The following RIMS2 variants were observed in gnomAD, a reference collection of about 807,000 sequenced individuals.
The protein encoded by RIMS2 is regulating synaptic membrane exocytosis protein 2.
Under a neutral mutation model 174.4 loss-of-function variants are expected in RIMS2, and 59 were observed. The observed-to-expected ratio is 0.34, with a 90% confidence interval of 0.27 to 0.42. The LOEUF is 0.42. RIMS2 is among the 10% of genes least tolerant of loss of function. The pLI, the probability that RIMS2 is intolerant of heterozygous loss-of-function variation, is 1.00. For synonymous variants in RIMS2, 606 were observed against 572.5 expected (o/e 1.06, Z -0.84); for missense variants, 1,620 against 1,666.3 (o/e 0.97, Z 0.48).
intron 15 of RIMS2, among the ~76,000 whole-genome samples, chr8:103,961,866 C>A (rs1334869038): frequency 1.3e-5 from 2 of 152,104 alleles, no homozygotes; most frequent in Non-Finnish European, 2.9e-5. Flanking sequence ...TGTTAAGAGT[C>A]AGTTAGCATG....
At chr8:103,737,730 C>T (rs1051303536) in intron 2 of RIMS2, among the ~76,000 whole-genome samples, 1 of 152,098 alleles carries the variant, frequency 6.6e-6, no homozygotes, top group African/African-American at 2.4e-5. Context: ...AAGCCCTTTC[C>T]TACCTAAAGG....
At chr8:103,820,621 T>C (rs2098746178) in intron 3 of RIMS2, among the ~76,000 whole-genome samples, 1 of 151,922 alleles carries the variant, frequency 6.6e-6, no homozygotes, top group Non-Finnish European at 1.5e-5. Context: ...CTTTTAAAAT[T>C]TGTTGGCATT....
intron 19 of RIMS2, among the ~76,000 whole-genome samples, chr8:104,134,570 T>G (rs1464312022): frequency 6.6e-6 from 1 of 152,210 alleles, no homozygotes; most frequent in Non-Finnish European, 1.5e-5. Context: ...CAACTTTAAT[T>G]ATTCAGTCAG....
At chr8:103,706,142 A>T (rs914078714) in intron 2 of RIMS2, among the ~76,000 whole-genome samples, 2 of 152,142 alleles carry the variant, frequency 1.3e-5, no homozygotes, top group Non-Finnish European at 2.9e-5. Flanking sequence ...GTTATTTTAA[A>T]CTGATGACAA....
intron 17 of RIMS2, among the ~76,000 whole-genome samples, chr8:104,002,870 A>G (rs977188887): frequency 6.6e-6 from 1 of 152,114 alleles, no homozygotes; most frequent in Non-Finnish European, 1.5e-5. Flanking sequence ...ATATTACTTC[A>G]AGAGACAATA....
exon 4 of RIMS2, chr8:103,885,705 G>A (rs756815741): frequency 4.3e-6 from 7 of 1,613,084 alleles, no homozygotes; most frequent in Non-Finnish European, 5.9e-6. Context: ...AGAAGGCATA[G>A]TGATGTTTCT....
chr8:104,211,713 CA>C (rs2099106252), intron 19 of RIMS2, among the ~76,000 whole-genome samples: 1 of 152,080 alleles, frequency 6.6e-6, no homozygotes, highest in African/African-American at 2.4e-5. Context: ...GGGATTTCAT[CA>C]TGTTGGCCAG....
chr8:103,690,299 A>C (rs1298762829), intron 1 of RIMS2, among the ~76,000 whole-genome samples: 2 of 151,948 alleles, frequency 1.3e-5, no homozygotes, highest in African/African-American at 4.8e-5. Context: ...TAGTTGATTT[A>C]CATTCAATGT....
intron 1 of RIMS2, among the ~76,000 whole-genome samples, chr8:103,557,999 C>T (rs1337653315): frequency 6.6e-6 from 1 of 152,116 alleles, no homozygotes; most frequent in Non-Finnish European, 1.5e-5. Context: ...AAAGTTCCTT[C>T]AGTTGTAAAA....
chr8:104,145,949 C>G (rs557496894), intron 19 of RIMS2, among the ~76,000 whole-genome samples: 1 of 151,620 alleles, frequency 6.6e-6, no homozygotes, highest in African/African-American at 2.4e-5. Context: ...GAAAAGGAAC[C>G]CTCGCTGCAA....
chr8:104,063,727 A>G (rs188827896), intron 19 of RIMS2, among the ~76,000 whole-genome samples: 2 of 152,304 alleles, frequency 1.3e-5, no homozygotes, highest in East Asian at 1.9e-4. Context: ...TAAGACTACA[A>G]GATGGATGAC....
intron 19 of RIMS2, among the ~76,000 whole-genome samples, chr8:104,111,752 T>A (rs1242087302): frequency 6.6e-6 from 1 of 152,182 alleles, no homozygotes; most frequent in Admixed American, 6.5e-5. Context: ...CAACAATACG[T>A]TGGCTTGGAA....
chr8:103,875,785 T>G (rs1174026882), intron 3 of RIMS2, among the ~76,000 whole-genome samples: 1 of 152,072 alleles, frequency 6.6e-6, no homozygotes, highest in African/African-American at 2.4e-5. Context: ...GTTTTCTGAC[T>G]GTTTAATAAT....
At chr8:103,894,278 A>T (rs1565167746) in intron 4 of RIMS2, among the ~76,000 whole-genome samples, 1 of 151,422 alleles carries the variant, frequency 6.6e-6, no homozygotes, top group Non-Finnish European at 1.5e-5. Context: ...AAATAGCAAG[A>T]TCTCTGTCCC....
At chr8:103,819,352 C>CA in intron 3 of RIMS2, 1 of 1,508,630 alleles carries the variant, frequency 6.6e-7, no homozygotes. Flanking sequence ...GTACAATTAA[C>CA]TATCAACCTC....
chr8:104,209,409 TAAAG>T (rs373045242), intron 19 of RIMS2, among the ~76,000 whole-genome samples: 129 of 152,260 alleles, frequency 8.5e-4, no homozygotes, highest in African/African-American at 3.0e-3. Context: ...GGTAATAAAA[TAAAG>T]GAAGAGAAGG....
At chr8:103,647,722 AG>A (rs1300875008) in intron 1 of RIMS2, among the ~76,000 whole-genome samples, 2 of 151,978 alleles carry the variant, frequency 1.3e-5, no homozygotes, top group Non-Finnish European at 2.9e-5. Context: ...AGGTGTTTAT[AG>A]TATTCTCTGA....
At chr8:103,980,519 A>C (rs1283472777) in intron 16 of RIMS2, among the ~76,000 whole-genome samples, 1 of 152,082 alleles carries the variant, frequency 6.6e-6, no homozygotes, top group East Asian at 1.9e-4. Context: ...GCTGTGATGA[A>C]AGACTGCTTC....
At chr8:104,143,040 G>A (rs1487020925) in intron 19 of RIMS2, among the ~76,000 whole-genome samples, 1 of 152,202 alleles carries the variant, frequency 6.6e-6, no homozygotes, top group Non-Finnish European at 1.5e-5. Flanking sequence ...TGACATTAGA[G>A]TTGACCATTG....
Sources: allele counts gnomAD v4.1 joint callset (sites outside exome capture counted in the v4.1 genomes callset), GRCh38; gene constraint gnomAD v4.1.1; transcripts MANE v1.5; gene names NCBI Gene and HGNC (gene_info 2026-07-23, HGNC 2026-07-21).